The following GARRE1 variants were observed in gnomAD, a reference collection of about 807,000 sequenced individuals.
GARRE1 encodes the protein granule associated Rac and RHOG effector 1.
GARRE1 carries 49 observed loss-of-function variants against 103.2 expected under a neutral mutation model. The ratio of observed to expected loss-of-function variants is 0.47; its 90% CI spans 0.38 to 0.60. The LOEUF (loss-of-function observed/expected upper bound fraction) is 0.60. GARRE1 is among the 20% of genes least tolerant of loss of function. GARRE1 has a pLI of 0.00. For missense variants in GARRE1, 1,199 were observed against 1,370.5 expected (o/e 0.87, Z 1.98); for synonymous variants, 505 against 532.8 (o/e 0.95, Z 0.72).
chr19:34,303,804 T>C (rs546540201), intron 2 of GARRE1, among the ~76,000 whole-genome samples: 4 of 152,064 alleles, frequency 2.6e-5, no homozygotes, highest in Admixed American at 6.5e-5. Context: ...TTAGTAGAGA[T>C]AGGGTTTCAC....
At position 34,335,635 on chromosome 19, in the gene GARRE1, C is replaced by T. The variant is rs1425218512; in HGVS notation, c.1361+1834C>T. Reference sequence around the variant, plus strand: ...CTTCCGCCTGGGTTCCAGTGATTCTCCTGCCTCAGCTTCCTGGGTAGCTGG... The same window carrying T: ...CTTCCGCCTGGGTTCCAGTGATTCTTCTGCCTCAGCTTCCTGGGTAGCTGG... On this transcript the variant is annotated intron_variant, in intron 8 of 13. Transcript: ENST00000299505. Among the ~76,000 whole-genome samples, 5 of 152,220 alleles carry T rather than the reference C, an allele frequency of 3.3e-5. No individual in the cohort carries two copies. The East Asian group carries it at 9.6e-4, about 29-fold the overall frequency.
intron 2 of GARRE1, 24 bp from the exon 3 acceptor site, chr19:34,319,883 T>G (rs1434083899): frequency 1.9e-6 from 3 of 1,608,798 alleles, no homozygotes; most frequent in Non-Finnish European, 2.6e-6. Context: ...AACCTAAACA[T>G]CCCTGGCTGT....
chr19:34,305,151 A>G (rs1263925204), intron 2 of GARRE1, among the ~76,000 whole-genome samples: 1 of 152,208 alleles, frequency 6.6e-6, no homozygotes, highest in Non-Finnish European at 1.5e-5. Flanking sequence ...TTACTTCTCA[A>G]AAGAAACGTA....
At chr19:34,340,027 A>T in intron 9 of GARRE1, 35 bp downstream of exon 9, 1 of 1,611,482 alleles carries the variant, frequency 6.2e-7, no homozygotes, top group East Asian at 2.2e-5. Flanking sequence ...ATGCATACCG[A>T]GGGACAGTGT....
intron 2 of GARRE1, among the ~76,000 whole-genome samples, chr19:34,316,131 T>C (rs1406789898): frequency 6.6e-6 from 1 of 152,202 alleles, no homozygotes; most frequent in Non-Finnish European, 1.5e-5. Flanking sequence ...TGCTTGACAT[T>C]GAGCAAGTTT....
At chr19:34,329,905 C>T (rs1204886514) in intron 6 of GARRE1, among the ~76,000 whole-genome samples, 1 of 152,044 alleles carries the variant, frequency 6.6e-6, no homozygotes, top group East Asian at 1.9e-4. Context: ...TAGCAAGACT[C>T]CACGTCTACA....
chr19:34,306,213 A>G (rs970903559), intron 2 of GARRE1, among the ~76,000 whole-genome samples: 4 of 152,204 alleles, frequency 2.6e-5, no homozygotes, highest in Non-Finnish European at 5.9e-5. Context: ...TCCCTGGGGA[A>G]AGAGGTCTGT....
rs1054056657 is a variant in GARRE1, at chr19:34,355,381, T to G, written c.*2426T>G. 2 of 152,680 alleles carry G rather than the reference T, an allele frequency of 1.3e-5. No homozygotes were observed. The highest frequency in any genetic ancestry group is 4.8e-5 in the African/African-American group (2 of 41,460). The allele number at this position is 152,680 out of a possible 1,614,324, so 9.5% of individuals were successfully genotyped here. On this transcript the variant is annotated 3_prime_UTR_variant, in exon 14 of 14. Coordinates refer to ENST00000299505, the MANE Select transcript of GARRE1 (RefSeq NM_014686.5). Reference sequence around the variant, plus strand: ...GGCAGAGGGGTCTCGCCAAAGCGCATGTGTGTGCATGTGTGAACGTGTGTG... The same window carrying G: ...GGCAGAGGGGTCTCGCCAAAGCGCAGGTGTGTGCATGTGTGAACGTGTGTG...
At chr19:34,309,383 T>C (rs2074026646) in intron 2 of GARRE1, among the ~76,000 whole-genome samples, 1 of 152,192 alleles carries the variant, frequency 6.6e-6, no homozygotes, top group African/African-American at 2.4e-5. Flanking sequence ...AAAAGATAAG[T>C]TGGGAAGCTT....
chr19:34,315,190 A>G (rs1351867296), intron 2 of GARRE1, among the ~76,000 whole-genome samples: 1 of 152,216 alleles, frequency 6.6e-6, no homozygotes, highest in Admixed American at 6.5e-5. Context: ...CATGAAGTTG[A>G]GCAGAACAAT....
At position 34,342,163 on chromosome 19, in the gene GARRE1, G is replaced by A. The variant is rs376976421; in HGVS notation, c.2229G>A (p.Pro743=). The A allele has an allele frequency of 3.0e-5, 48 of 1,614,026 alleles. No homozygotes were observed. The highest frequency in any genetic ancestry group is 3.3e-4 in the Middle Eastern group (2 of 6,084). The change falls in exon 10 of 14, where the codon CCG becomes CCA. Residue 743 remains proline (P), a synonymous_variant. Transcript: ENST00000299505. ...YYQHLLQPIG[P]QQPPPQPRAP... Reference sequence around the variant, plus strand: ...AACACCTACTCCAGCCCATTGGACCGCAGCAGCCCCCGCCCCAGCCTCGGG... The same window carrying A: ...AACACCTACTCCAGCCCATTGGACCACAGCAGCCCCCGCCCCAGCCTCGGG...
At chr19:34,296,480 A>T (rs188929798) in intron 1 of GARRE1, 7 of 1,594,394 alleles carry the variant, frequency 4.4e-6, no homozygotes, top group Non-Finnish European at 5.9e-6. Flanking sequence ...TGTGGCTGAC[A>T]CCCTTTGGGA....
Position 34,341,842 on chromosome 19 carries a change from G to A in GARRE1, c.1908G>A (p.Lys636=), listed in dbSNP as rs35577851. 50,785 of 1,614,172 alleles carry A rather than the reference G, an allele frequency of 0.031. 1,001 individuals carry two copies. The highest frequency in any genetic ancestry group is 0.037 in the Non-Finnish European group (43,298 of 1,180,020). The change falls in exon 10 of 14, where the codon AAG becomes AAA. Residue 636 remains lysine, a synonymous_variant. Coordinates refer to ENST00000299505, the MANE Select transcript of GARRE1 (RefSeq NM_014686.5). The stretch of plus-strand genomic sequence containing the variant: ...ATGGAGATGACGGCAAGGATGAGAA[G>A]GGTATGAACTTACCAACTGATCAGG... The part of the protein sequence containing the change: ...FLHGDDGKDE[K]GMNLPTDQEM...
At chr19:34,347,782 C>A in intron 10 of GARRE1, 95 bp from the exon 11 acceptor site, 1 of 1,208,670 alleles carries the variant, frequency 8.3e-7, no homozygotes, top group Non-Finnish European at 1.1e-6. Context: ...CACTGCCTTT[C>A]ATTGCATGTG....
intron 1 of GARRE1, among the ~76,000 whole-genome samples, chr19:34,260,084 T>A (rs1568519757): frequency 6.6e-6 from 1 of 152,186 alleles, no homozygotes; most frequent in African/African-American, 2.4e-5. Context: ...CATAGCAGGG[T>A]GAGAACAGAC....
At position 34,320,013 on chromosome 19, in the gene GARRE1, T is replaced by C. The variant is rs2074078056; in HGVS notation, c.602T>C (p.Ile201Thr). 2 of 1,614,098 alleles carry C rather than the reference T, an allele frequency of 1.2e-6. No homozygotes were observed. Among genetic ancestry groups the C allele is most frequent in the Admixed American group, 1.7e-5 (1 of 60,006 alleles). The change falls in exon 3 of 14, where the codon ATC (isoleucine) becomes ACC (threonine). Residue 201 changes from isoleucine to threonine, a missense_variant. Coordinates refer to ENST00000299505, the MANE Select transcript of GARRE1 (RefSeq NM_014686.5). ...PVAHSCFAEVIVPEKKNSGSG... is the reference protein window; with the variant it reads ...PVAHSCFAEVTVPEKKNSGSG... ...GCTCACTCTTGCTTTGCTGAGGTCA[T>C]CGTGCCAGAAAAAAAGAACAGCGGC... is the stretch of plus-strand genomic sequence containing the variant.
In GARRE1 at chr19:34,342,451, T is replaced by C. The variant is rs779743430; in HGVS notation, c.2517T>C (p.Pro839=). The C allele has an allele frequency of 6.2e-7, 1 of 1,607,418 alleles. No homozygotes were observed. Among genetic ancestry groups the C allele is most frequent in the African/African-American group, 1.3e-5 (1 of 74,846 alleles). The change falls in exon 10 of 14, where the codon CCT becomes CCC. Residue 839 remains proline, a synonymous_variant. Coordinates refer to ENST00000299505, the MANE Select transcript of GARRE1 (RefSeq NM_014686.5). Reference sequence around the variant, plus strand: ...TGGGAGAGATTCTGCCTTTTGATCCTGCAGGTATGTGAGGCCTCCCATCCC... The same window carrying C: ...TGGGAGAGATTCTGCCTTTTGATCCCGCAGGTATGTGAGGCCTCCCATCCC... ...GMLGEILPFD[P]AVGSDPEFAR...
intron 1 of GARRE1, among the ~76,000 whole-genome samples, chr19:34,290,355 CAAA>C (rs965622685): frequency 2.8e-5 from 4 of 145,090 alleles, no homozygotes; most frequent in African/African-American, 7.6e-5. Context: ...GACCCTGTCT[CAAA>C]AAAAAAAGAA....
intron 2 of GARRE1, among the ~76,000 whole-genome samples, chr19:34,308,169 A>C (rs1185815884): frequency 6.6e-6 from 1 of 151,944 alleles, no homozygotes; most frequent in Non-Finnish European, 1.5e-5. Flanking sequence ...AATAATGGAA[A>C]ATATTAGAAG....
Sources: allele counts gnomAD v4.1 joint callset (sites outside exome capture counted in the v4.1 genomes callset), GRCh38; gene constraint gnomAD v4.1.1; transcripts MANE v1.5; gene names NCBI Gene and HGNC (gene_info 2026-07-23, HGNC 2026-07-21).